Variants in ZNF423 observed in about 807,000 individuals in gnomAD.
The protein encoded by ZNF423 is Ebf-associated zinc finger protein.
In ZNF423, 12 loss-of-function variants were observed where a neutral mutation model predicts 95.8. The observed-to-expected ratio is 0.13, with a 90% CI of 0.08 to 0.20. ZNF423 has a LOEUF of 0.20. Ranked by LOEUF, ZNF423 falls within the 10% of genes least tolerant of loss-of-function variation. The pLI is 1.00. For synonymous variants in ZNF423, 749 were observed against 711.9 expected, an observed-to-expected ratio of 1.05 and a Z score of -0.83; for missense variants, 1,316 against 1,737.1, an observed-to-expected ratio of 0.76 and a Z score of 4.31.
At position 49,635,487 on chromosome 16, in the gene ZNF423, A is replaced by G. The variant is rs1972654984; in HGVS notation, c.3516+173T>C. ...AGCCCATCACATGGCTGGAAAGGCA[A>G]TGGCAGTGCTGAGGTTCAAACTCAA... is the stretch of plus-strand genomic sequence containing the variant. On this transcript the variant is annotated intron_variant, in intron 4 of 7. Coordinates refer to ENST00000563137, the MANE Select transcript of ZNF423 (RefSeq NM_001379286.1). This position sits in a 1 kb window ranked among gnomAD's most constrained non-coding sequence, Gnocchi z 4.8. Among the ~76,000 whole-genome samples the G allele has an allele frequency of 2.0e-5, 3 of 152,256 alleles. No homozygotes were observed. The highest frequency in any genetic ancestry group is 4.4e-5 in the Non-Finnish European group (3 of 68,046).
chr16:49,730,740 C>G, intron 3 of ZNF423, 31 bp downstream of exon 3: 1 of 1,613,168 alleles, frequency 6.2e-7, no homozygotes, highest in African/African-American at 1.3e-5. Context: ...GTGTAACCAC[C>G]TGTCAGAGTC....
At chr16:49,599,438 A>G (rs1031010505) in intron 5 of ZNF423, among the ~76,000 whole-genome samples, 1 of 152,186 alleles carries the variant, frequency 6.6e-6, no homozygotes, top group Non-Finnish European at 1.5e-5. Flanking sequence ...CCCTCATTTC[A>G]CAAATGTATA....
intron 2 of ZNF423, among the ~76,000 whole-genome samples, chr16:49,785,033 A>G (rs1266099468): frequency 6.6e-6 from 1 of 151,690 alleles, no homozygotes; most frequent in Non-Finnish European, 1.5e-5. Context: ...CTAAGGATAC[A>G]GTGTTTCTTT....
chr16:49,547,579 C>T (rs942294729), intron 5 of ZNF423, among the ~76,000 whole-genome samples: 3 of 152,200 alleles, frequency 2.0e-5, no homozygotes, highest in Non-Finnish European at 4.4e-5. Context: ...CTCTCCAACT[C>T]CCTGGGTCAG....
chr16:49,743,348 A>T (rs955129387), intron 2 of ZNF423, among the ~76,000 whole-genome samples: 2 of 152,094 alleles, frequency 1.3e-5, no homozygotes, highest in Non-Finnish European at 2.9e-5. Flanking sequence ...TTATCATAGC[A>T]GTCCTCATGA....
chr16:49,556,317 T>C (rs1035164912), intron 5 of ZNF423, among the ~76,000 whole-genome samples: 1 of 152,170 alleles, frequency 6.6e-6, no homozygotes, highest in Non-Finnish European at 1.5e-5. Flanking sequence ...AGAGCAGAAG[T>C]GCCCCCTCTT....
intron 3 of ZNF423, among the ~76,000 whole-genome samples, chr16:49,654,388 C>G (rs572630052): frequency 2.0e-5 from 3 of 152,216 alleles, no homozygotes; most frequent in Non-Finnish European, 2.9e-5. Context: ...TTCATCTGGG[C>G]CTACAGAAGA....
At chr16:49,593,229 T>C (rs976906544) in intron 5 of ZNF423, among the ~76,000 whole-genome samples, 1 of 151,980 alleles carries the variant, frequency 6.6e-6, no homozygotes, top group African/African-American at 2.4e-5. Context: ...AGCCAAGAGT[T>C]CAAGACCAGC....
chr16:49,836,317 A>G (rs751516815), intron 1 of ZNF423, among the ~76,000 whole-genome samples: 8 of 151,814 alleles, frequency 5.3e-5, no homozygotes, highest in Non-Finnish European at 1.0e-4. Context: ...CAACCTGTCC[A>G]AGCTGCTTCT....
intron 1 of ZNF423, among the ~76,000 whole-genome samples, chr16:49,839,404 G>C (rs2144087649): frequency 6.6e-6 from 1 of 152,264 alleles, no homozygotes; most frequent in African/African-American, 2.4e-5. Flanking sequence ...CCATCTGTCA[G>C]ATGGGGGTGG....
At chr16:49,588,263 C>T (rs958884495) in intron 5 of ZNF423, among the ~76,000 whole-genome samples, 4 of 152,208 alleles carry the variant, frequency 2.6e-5, no homozygotes, top group Non-Finnish European at 5.9e-5. Flanking sequence ...AACCAGAAGA[C>T]CATGGGCATC....
At chr16:49,803,941 T>C (rs1385393601) in intron 1 of ZNF423, among the ~76,000 whole-genome samples, 1 of 145,918 alleles carries the variant, frequency 6.9e-6, no homozygotes, top group Non-Finnish European at 1.5e-5. Flanking sequence ...TTCTTTTTTT[T>C]TTTTTTTTTT....
intron 5 of ZNF423, among the ~76,000 whole-genome samples, chr16:49,582,887 G>A (rs945147224): frequency 6.6e-6 from 1 of 152,158 alleles, no homozygotes; most frequent in Admixed American, 6.5e-5. Context: ...TATCACCAAA[G>A]ATCAGTTTTA....
chr16:49,580,864 G>A (rs1297561517), intron 5 of ZNF423, among the ~76,000 whole-genome samples: 3 of 152,128 alleles, frequency 2.0e-5, no homozygotes, highest in African/African-American at 2.4e-5. Flanking sequence ...GATCGTGAGA[G>A]CATAGAAACG....
chr16:49,545,506 C>T (rs1969407404), intron 5 of ZNF423, among the ~76,000 whole-genome samples: 1 of 152,178 alleles, frequency 6.6e-6, no homozygotes, highest in Non-Finnish European at 1.5e-5. Flanking sequence ...GTGTCATGCC[C>T]AGCCCTGCCA....
chr16:49,556,536 T>C (rs1034791000), intron 5 of ZNF423, among the ~76,000 whole-genome samples: 24 of 152,112 alleles, frequency 1.6e-4, no homozygotes, highest in African/African-American at 5.1e-4. Flanking sequence ...AGGAACTCAA[T>C]AAATATGTGT....
intron 3 of ZNF423, among the ~76,000 whole-genome samples, chr16:49,669,070 CTG>C (rs2030681066): frequency 6.6e-6 from 1 of 152,138 alleles, no homozygotes; most frequent in Non-Finnish European, 1.5e-5. Context: ...CAGCTCATGT[CTG>C]TAATCCTAGC....
chr16:49,834,953 C>A (rs531334060), intron 1 of ZNF423, among the ~76,000 whole-genome samples: 1 of 152,184 alleles, frequency 6.6e-6, no homozygotes, highest in South Asian at 2.1e-4. Flanking sequence ...GGGGAAGATG[C>A]CTGGAAAAGC....
At chr16:49,534,399 G>A (rs1401975237) in intron 5 of ZNF423, among the ~76,000 whole-genome samples, 2 of 152,008 alleles carry the variant, frequency 1.3e-5, no homozygotes, top group African/African-American at 4.8e-5. Context: ...GACTACAGGC[G>A]CACACCACCA....
Sources: gnomAD v4.1 joint callset for allele counts (sites outside exome capture counted in the v4.1 genomes callset) on GRCh38, gnomAD v4.1.1 for gene constraint, Gnocchi (gnomAD v3.1) non-coding constraint, MANE v1.5 for transcripts, NCBI Gene and HGNC (gene_info 2026-07-23, HGNC 2026-07-21) for gene names.